Variants in MLC1 observed in about 807,000 individuals in gnomAD.
MLC1 encodes the protein membrane protein MLC1.
Under a neutral mutation model 44.7 loss-of-function variants are expected in MLC1, and 32 were observed. That is an observed-to-expected ratio of 0.72 (90% confidence interval 0.54 to 0.96). The LOEUF (loss-of-function observed/expected upper bound fraction) is 0.96. Among genes scored for constraint, MLC1 ranks in the 40% least tolerant of loss-of-function variants. The pLI, the probability that MLC1 is intolerant of heterozygous loss-of-function variation, is 0.00. For missense variants in MLC1, 459 were observed against 492.2 expected (o/e 0.93, Z 0.64); for synonymous variants, 190 against 213.0 (o/e 0.89, Z 0.94).
intron 8 of MLC1, among the ~76,000 whole-genome samples, chr22:50,072,559 C>A (rs2061879559): frequency 6.6e-6 from 1 of 152,144 alleles, no homozygotes; most frequent in Admixed American, 6.5e-5. Flanking sequence ...AGCAGAGCCA[C>A]CCCCGAGGCA....
In MLC1 at chr22:50,083,930, C is replaced by A. The variant is rs1004072961; in HGVS notation, c.178-757G>T. ...GAGATGGCCACCACCACCCGGGAGC[C>A]GCCTCTGTCCCCAGCTCCGAGGCAG... On this transcript the variant is annotated intron_variant, in intron 2 of 11. Transcript: ENST00000311597. This position sits in a 1 kb window ranked among gnomAD's most constrained non-coding sequence, Gnocchi z 4.6. Among the ~76,000 whole-genome samples, 1 of 151,902 alleles carries A rather than the reference C, an allele frequency of 6.6e-6. No homozygotes were observed. The highest frequency in any genetic ancestry group is 1.5e-5 in the Non-Finnish European group (1 of 67,978).
intron 8 of MLC1, among the ~76,000 whole-genome samples, chr22:50,073,547 AT>A (rs2061908987): frequency 6.6e-6 from 1 of 152,160 alleles, no homozygotes; most frequent in Non-Finnish European, 1.5e-5. Context: ...CCTGGCCAAC[AT>A]GGCAAAACCC....
rs543499567 is a variant in MLC1, at chr22:50,084,096, G to A, written c.177+630C>T. Among the ~76,000 whole-genome samples the A allele has an allele frequency of 1.8e-3, 277 of 152,264 alleles. 1 individual carries two copies. Among genetic ancestry groups the A allele is most frequent in the Non-Finnish European group, 3.5e-3 (239 of 67,992 alleles). On this transcript the variant is annotated intron_variant, in intron 2 of 11. Transcript: ENST00000311597. ...ATCTCATTCTCAGCCCAAGCTACACGGAACCGGGGGTCCCTGCATAGAGGC... is the reference window on the plus strand; with the variant it reads ...ATCTCATTCTCAGCCCAAGCTACACAGAACCGGGGGTCCCTGCATAGAGGC...
At chr22:50,076,964 A>G (rs1202843801) in intron 6 of MLC1, 52 bp from the exon 7 acceptor site, 1 of 1,602,928 alleles carries the variant, frequency 6.2e-7, no homozygotes, top group Non-Finnish European at 8.5e-7. Flanking sequence ...GGGACTCAGC[A>G]CTGCCGCTGG....
chr22:50,081,955 G>A (rs140213963), intron 3 of MLC1, among the ~76,000 whole-genome samples: 2,635 of 152,328 alleles, frequency 0.017, 37 homozygotes, highest in Middle Eastern at 0.034. Flanking sequence ...AGAGTGGGAC[G>A]GGTCACCTGC....
chr22:50,080,149 G>T, intron 4 of MLC1, 130 bp from the exon 5 acceptor site: 1 of 1,006,780 alleles, frequency 9.9e-7, no homozygotes, highest in Non-Finnish European at 1.5e-6. Flanking sequence ...AGTCCTGCGT[G>T]CTCAGCCCGC....
intron 10 of MLC1, among the ~76,000 whole-genome samples, chr22:50,067,495 TCCCCTGTCAGGCAGTGACTCCATC>T (rs71198212): frequency 0.035 from 1,828 of 51,568 alleles, 109 homozygotes; most frequent in Non-Finnish European, 0.038. Context: ...AGTGACTCTA[TCCCCTGTCAGGCAGTGACTCCATC>T]CCCCTGTCAG....
chr22:50,070,445 A>T (rs1164548113), intron 9 of MLC1, 82 bp downstream of exon 9: 9 of 1,312,284 alleles, frequency 6.9e-6, no homozygotes, highest in Non-Finnish European at 9.7e-6. Context: ...GAGCCTGGTC[A>T]CATGGCACCA....
chr22:50,059,417 T>C lies in MLC1; in HGVS notation c.*2166A>G, dbSNP rs1018800089. ...ACGTCTGCAAGTCAGCGTTTATTGC[T>C]CAAGCGTATTAAACAAAAATGTAGA... On this transcript the variant is annotated 3_prime_UTR_variant, in exon 12 of 12. Transcript: ENST00000311597. 1 of 152,362 alleles carries C rather than the reference T, an allele frequency of 6.6e-6. No homozygotes were observed. Among genetic ancestry groups the C allele is most frequent in the Non-Finnish European group, 1.5e-5 (1 of 68,046 alleles). The allele number at this position is 152,362 out of a possible 1,614,324, so 9.4% of individuals were successfully genotyped here.
chr22:50,066,479 G>A (rs1195887622), intron 10 of MLC1, among the ~76,000 whole-genome samples: 1 of 152,218 alleles, frequency 6.6e-6, no homozygotes, highest in African/African-American at 2.4e-5. Flanking sequence ...GGCCAACATA[G>A]TGAAACCCTG....
chr22:50,062,138 C>T (rs1321589844), intron 11 of MLC1, among the ~76,000 whole-genome samples: 1 of 149,658 alleles, frequency 6.7e-6, no homozygotes, highest in Non-Finnish European at 1.5e-5. Context: ...GAGCCCCAGC[C>T]ACCCACCCTG....
intron 7 of MLC1, among the ~76,000 whole-genome samples, chr22:50,074,893 T>C (rs961415449): frequency 4.6e-5 from 7 of 152,222 alleles, no homozygotes; most frequent in Non-Finnish European, 1.0e-4. Flanking sequence ...TTAATTAGCA[T>C]ATACTTAAAA....
chr22:50,080,543 G>A (rs144839065), intron 3 of MLC1, 146 bp from the exon 4 acceptor site: 68 of 852,256 alleles, frequency 8.0e-5, no homozygotes, highest in Admixed American at 4.2e-4. Context: ...GGGTTGGCTT[G>A]ACTAGAAGGC....
intron 8 of MLC1, among the ~76,000 whole-genome samples, chr22:50,071,905 G>A (rs1264201779): frequency 1.3e-5 from 2 of 152,200 alleles, no homozygotes; most frequent in Non-Finnish European, 2.9e-5. Context: ...GGGCTGTGGT[G>A]AGAGGGTGGG....
chr22:50,077,711 A>G (rs548303911), intron 5 of MLC1, among the ~76,000 whole-genome samples: 1 of 152,276 alleles, frequency 6.6e-6, no homozygotes, highest in Non-Finnish European at 1.5e-5. Flanking sequence ...TTTTAAAACC[A>G]TTCTTAGTGC....
Position 50,070,384 on chromosome 22 carries a change from C to T in MLC1, c.771+143G>A, listed in dbSNP as rs1190111797. On this transcript the variant is annotated intron_variant, in intron 9 of 11. Transcript: ENST00000311597. Reference sequence around the variant, plus strand: ...CAGCCTCCACCTCCCACAACCCCACCTTCCTCATTGTGCAGGCCCTGCAGC... The same window carrying T: ...CAGCCTCCACCTCCCACAACCCCACTTTCCTCATTGTGCAGGCCCTGCAGC... 5.9e-6 allele frequency: 5 copies of T among 847,084 alleles called. No individual in the cohort carries two copies. The East Asian group carries it at 1.3e-4, about 23-fold the overall frequency. 52.5% of individuals were successfully genotyped at this position (847,084 alleles called of 1,614,324 possible).
intron 11 of MLC1, 41 bp from the exon 12 acceptor site, chr22:50,061,698 C>T: frequency 6.3e-7 from 1 of 1,580,056 alleles, no homozygotes; most frequent in Non-Finnish European, 8.7e-7. Context: ...ACCAGGGCCA[C>T]CTGTGCGGCG....
chr22:50,062,555 C>A (rs923182954), intron 11 of MLC1, among the ~76,000 whole-genome samples: 12 of 152,216 alleles, frequency 7.9e-5, no homozygotes, highest in African/African-American at 2.9e-4. Context: ...GTGGGGGCGA[C>A]GGGGTCAGCT....
chr22:50,084,773 G>A lies in MLC1; in HGVS notation c.130C>T (p.Pro44Ser), dbSNP rs913644774. The change falls in exon 2 of 12, where the codon CCC (proline) becomes TCC (serine). Residue 44 changes from proline (P) to serine (S), a missense_variant. Transcript: ENST00000311597. ...CACGTCTTGTGGCTGAAGCAGGGGG[G>A]CAGTCTCTTCGACAGCTGCAGGTCG... ...PSDLQLSKRL[P>S]PCFSHKTWVF... The A allele has an allele frequency of 6.2e-7, 1 of 1,614,106 alleles. No homozygotes were observed. Among genetic ancestry groups the A allele is most frequent in the East Asian group, 2.2e-5 (1 of 44,878 alleles).
Sources: allele counts gnomAD v4.1 joint callset (sites outside exome capture counted in the v4.1 genomes callset), GRCh38; gene constraint gnomAD v4.1.1; non-coding constraint Gnocchi (gnomAD v3.1); transcripts MANE v1.5; gene names NCBI Gene and HGNC (gene_info 2026-07-23, HGNC 2026-07-21).